SEMA4A: variants seen among roughly 807,000 people sequenced by gnomAD.
SEMA4A encodes semaphorin 4A, also known as semaphorin-4A.
In SEMA4A, 52 loss-of-function variants were observed where a neutral mutation model predicts 72.5. The ratio of observed to expected loss-of-function variants is 0.72; its 90% CI spans 0.57 to 0.90. SEMA4A has a LOEUF of 0.90. SEMA4A is among the 40% of genes least tolerant of loss of function. SEMA4A has a pLI of 0.00. For synonymous variants in SEMA4A, 369 were observed against 393.1 expected (o/e 0.94, Z 0.73); for missense variants, 926 against 959.7 (o/e 0.96, Z 0.46).
chr1:156,150,578 G>A (rs905609720), upstream of SEMA4A, among the ~76,000 whole-genome samples: 1 of 151,990 alleles, frequency 6.6e-6, no homozygotes, highest in African/African-American at 2.4e-5. Flanking sequence ...CAGATCACTC[G>A]TGAAGCCAGG....
intron 1 of SEMA4A, chr1:156,154,312 T>C: frequency 3.6e-6 from 2 of 556,974 alleles, no homozygotes; most frequent in Non-Finnish European, 6.5e-6. Context: ...AGAAGCAGGA[T>C]AGGGGAGACC....
At chr1:156,166,596 G>C (rs548030875) in intron 10 of SEMA4A, among the ~76,000 whole-genome samples, 2 of 152,114 alleles carry the variant, frequency 1.3e-5, no homozygotes, top group Non-Finnish European at 2.9e-5. Context: ...CAATCTTTCT[G>C]TCAGGTTTTT....
intron 10 of SEMA4A, among the ~76,000 whole-genome samples, chr1:156,168,069 C>T (rs1409752781): frequency 1.3e-5 from 2 of 151,696 alleles, no homozygotes; most frequent in Non-Finnish European, 2.9e-5. Flanking sequence ...TACAGGCGTG[C>T]GCCGCCACAG....
intron 10 of SEMA4A, 126 bp downstream of exon 10, chr1:156,163,220 C>T: frequency 9.5e-7 from 1 of 1,049,820 alleles, no homozygotes; most frequent in Non-Finnish European, 1.4e-6. Context: ...CTCGCCTGCT[C>T]AGACGTACAC....
In SEMA4A at chr1:156,175,106, C is replaced by T. The variant is rs763713498; in HGVS notation, c.1455C>T (p.Phe485=). The part of the protein sequence containing the change: ...APTQGAVFVG[F]SGGVWRVPRA... The stretch of plus-strand genomic sequence containing the variant: ...TCCAGGGTGCAGTGTTTGTAGGCTT[C>T]TCAGGAGGTGTCTGGAGGGTGCCCC... Residue 485 remains phenylalanine (F), a synonymous_variant, in exon 13 of 15, where the codon TTC becomes TTT. Coordinates refer to ENST00000368285, the MANE Select transcript of SEMA4A (RefSeq NM_022367.4). 2.5e-6 allele frequency: 4 copies of T among 1,614,082 alleles called. No homozygotes were observed. The Admixed American group carries it at 5.0e-5, about 20-fold the overall frequency.
intron 3 of SEMA4A, among the ~76,000 whole-genome samples, chr1:156,156,863 C>A (rs562769124): frequency 6.6e-6 from 1 of 151,772 alleles, no homozygotes; most frequent in South Asian, 2.1e-4. Context: ...CCTGCCTCAG[C>A]CTCCCAAGTA....
chr1:156,174,734 C>T, intron 11 of SEMA4A, 88 bp from the exon 12 acceptor site: 4 of 1,559,534 alleles, frequency 2.6e-6, no homozygotes, highest in Non-Finnish European at 3.5e-6. Context: ...TCAGAAGGAG[C>T]TTTCTTACAG....
At chr1:156,152,504 G>A (rs1234512599), upstream of SEMA4A, among the ~76,000 whole-genome samples, 1 of 152,176 alleles carries the variant, frequency 6.6e-6, no homozygotes, top group Non-Finnish European at 1.5e-5. Context: ...CTGGATAAAT[G>A]GGAGTTTCTC....
Position 156,160,504 on chromosome 1 carries a change from C to T in SEMA4A, c.630C>T (p.Arg210=). 1 of 1,614,162 alleles carries T rather than the reference C, an allele frequency of 6.2e-7. No homozygotes were observed. Among genetic ancestry groups the T allele is most frequent in the Non-Finnish European group, 8.5e-7 (1 of 1,180,026 alleles). Residue 210 remains arginine, a synonymous_variant, in exon 7 of 15, where the codon CGC becomes CGT. Coordinates refer to ENST00000368285, the MANE Select transcript of SEMA4A (RefSeq NM_022367.4). The part of the protein sequence containing the change: ...NFLGSEPILM[R]TLGSQPVLKT... ...TGGGCAGTGAGCCCATCCTGATGCGCACACTGGGATCCCAGCCTGTCCTCA... is the reference window on the plus strand; with the variant it reads ...TGGGCAGTGAGCCCATCCTGATGCGTACACTGGGATCCCAGCCTGTCCTCA...
rs1013440701 is a variant in SEMA4A at position 156,160,587 on chromosome 1, T to C, written c.685+28T>C. 5.1e-6 allele frequency: 8 copies of C among 1,574,104 alleles called. No homozygotes were observed. The African/African-American group carries it at 6.8e-5, about 13-fold the overall frequency. Reference sequence around the variant, plus strand: ...AAGGACCTGACCCCCGCTGGCCTCCTTTCCTGAGTCCTGGTGACCTTGCTA... The same window carrying C: ...AAGGACCTGACCCCCGCTGGCCTCCCTTCCTGAGTCCTGGTGACCTTGCTA... On this transcript the variant is annotated intron_variant, in intron 7 of 14. Coordinates refer to ENST00000368285, the MANE Select transcript of SEMA4A (RefSeq NM_022367.4).
Position 156,157,939 on chromosome 1 carries a change from G to A in SEMA4A, c.301-131G>A, listed in dbSNP as rs1307254480. The stretch of plus-strand genomic sequence containing the variant: ...ATGGTCACAAACTGATGTTATTACT[G>A]CCCATCAGCATGTCACTAACCACCA... On this transcript the variant is annotated intron_variant, in intron 3 of 14. Coordinates refer to ENST00000368285, the MANE Select transcript of SEMA4A (RefSeq NM_022367.4). The surrounding 1 kb of genome is among the most constrained non-coding windows in gnomAD (Gnocchi z 4.5). 1.5e-5 allele frequency: 12 copies of A among 826,044 alleles called. No individual in the cohort carries two copies. The highest frequency in any genetic ancestry group is 2.3e-5 in the Non-Finnish European group (11 of 484,672). The allele number at this position is 826,044 out of a possible 1,614,324, so 51.2% of individuals were successfully genotyped here.
chr1:156,175,505 C>A, intron 13 of SEMA4A, 51 bp from the exon 14 acceptor site: 1 of 1,451,486 alleles, frequency 6.9e-7, no homozygotes, highest in Non-Finnish European at 9.6e-7. Context: ...CCTTCCTCTT[C>A]CCACTTTCAG....
upstream of SEMA4A, chr1:156,149,973 C>G (rs573041730): frequency 6.6e-6 from 1 of 152,232 alleles, no homozygotes; most frequent in East Asian, 1.9e-4. Flanking sequence ...TGACTGAGGA[C>G]CAGTGAGGCG....
Position 156,172,823 on chromosome 1 carries a change from T to C in SEMA4A, c.1135-3T>C, listed in dbSNP as rs1174863706. The C allele has an allele frequency of 6.2e-7, 1 of 1,614,124 alleles. No homozygotes were observed. The highest frequency in any genetic ancestry group is 1.7e-5 in the Admixed American group (1 of 60,016). On this transcript the variant is annotated splice_polypyrimidine_tract_variant and splice_region_variant and intron_variant, in intron 10 of 14. Transcript: ENST00000368285. The stretch of plus-strand genomic sequence containing the variant: ...AACCTGATCTGCCTCCCTCCTCCTT[T>C]AGTGCTCAGTGGGCCCCTCCTCTGA...
rs765496404 is a variant in SEMA4A, at chr1:156,154,677, A to C, written c.99A>C (p.Gly33=). ...TGCTGCCGACGACGACCGCGGGGGG[A>C]GGCGGGCAGGGGCCCATGCCCAGGG... is the stretch of plus-strand genomic sequence containing the variant. The part of the protein sequence containing the change: ...QLLLPTTTAG[G]GGQGPMPRVR... The change falls in exon 2 of 15, where the codon GGA becomes GGC. Residue 33 remains glycine, a synonymous_variant. Coordinates refer to ENST00000368285, the MANE Select transcript of SEMA4A (RefSeq NM_022367.4). 5 of 1,596,022 alleles carry C rather than the reference A, an allele frequency of 3.1e-6. No individual in the cohort carries two copies. The African/African-American group carries it at 6.7e-5, about 21-fold the overall frequency.
At position 156,177,661 on chromosome 1, in the gene SEMA4A, C is replaced by G. The variant is rs1432381054; in HGVS notation, c.*664C>G. ...TTTACCCTAGCTGACCCCTTCACCT[C>G]TCCCCCTCCCTTTTCCTTTGTTTTG... On this transcript the variant is annotated 3_prime_UTR_variant, in exon 15 of 15. Coordinates refer to ENST00000368285, the MANE Select transcript of SEMA4A (RefSeq NM_022367.4). 9 of 155,388 alleles carry G rather than the reference C, an allele frequency of 5.8e-5. No individual in the cohort carries two copies. The highest frequency in any genetic ancestry group is 5.1e-4 in the Admixed American group (8 of 15,800). 9.6% of individuals were successfully genotyped at this position (155,388 alleles called of 1,614,324 possible).
intron 8 of SEMA4A, 37 bp downstream of exon 8, chr1:156,161,066 G>A: frequency 1.2e-6 from 2 of 1,600,778 alleles, no homozygotes; most frequent in East Asian, 4.5e-5. Context: ...CTAACTGGAG[G>A]AGAACCAATA....
rs1558162933 is a variant in SEMA4A, at chr1:156,174,836, C to T, written c.1330C>T (p.His444Tyr). 1.2e-6 allele frequency: 2 copies of T among 1,614,084 alleles called. No individual in the cohort carries two copies. The highest frequency in any genetic ancestry group is 1.7e-6 in the Non-Finnish European group (2 of 1,180,034). The part of the protein sequence containing the change: ...MYLGTTTGSL[H>Y]KAVVSGDSSA... ...TCTCCCCATAGCCACAGGGTCGCTCCACAAGGCTGTGGTAAGTGGGGACAG... is the reference window on the plus strand; with the variant it reads ...TCTCCCCATAGCCACAGGGTCGCTCTACAAGGCTGTGGTAAGTGGGGACAG... The change falls in exon 12 of 15, where the codon CAC becomes TAC. Residue 444 changes from histidine (H) to tyrosine (Y), a missense_variant. By Grantham distance (83) the His-to-Tyr change is moderately conservative (BLOSUM62 2). Transcript: ENST00000368285.
upstream of SEMA4A, among the ~76,000 whole-genome samples, chr1:156,152,367 C>T (rs887022221): frequency 1.3e-5 from 2 of 152,060 alleles, no homozygotes; most frequent in Non-Finnish European, 2.9e-5. Context: ...TGGAACTCCC[C>T]CAGCCTCCCC....
Sources: gnomAD v4.1 joint callset for allele counts (sites outside exome capture counted in the v4.1 genomes callset) on GRCh38, gnomAD v4.1.1 for gene constraint, Gnocchi (gnomAD v3.1) non-coding constraint, MANE v1.5 for transcripts, NCBI Gene and HGNC (gene_info 2026-07-23, HGNC 2026-07-21) for gene names.